NLRC5: variants seen among roughly 807,000 people sequenced by gnomAD.
NLRC5 encodes protein NLRC5.
In NLRC5, 114 loss-of-function variants were observed where a neutral mutation model predicts 206.9. The observed-to-expected ratio is 0.55, with a 90% CI of 0.47 to 0.64. The LOEUF is 0.64. Among genes scored for constraint, NLRC5 ranks in the 30% least tolerant of loss-of-function variants. The pLI, the probability that NLRC5 is intolerant of heterozygous loss-of-function variation, is 0.00. For synonymous variants in NLRC5, 952 were observed against 962.8 expected (o/e 0.99, Z 0.21); for missense variants, 2,008 against 2,305.5 (o/e 0.87, Z 2.64).
chr16:57,058,860 A>G (rs2066038388), intron 28 of NLRC5, 112 bp from the exon 29 acceptor site: 1 of 897,632 alleles, frequency 1.1e-6, no homozygotes, highest in African/African-American at 1.6e-5. Flanking sequence ...ATGCTTAGAC[A>G]TGGAGGCTTC....
intron 24 of NLRC5, among the ~76,000 whole-genome samples, chr16:57,053,922 G>A (rs1436351016): frequency 6.6e-6 from 1 of 152,172 alleles, no homozygotes; most frequent in African/African-American, 2.4e-5. Context: ...GATGTGTGCA[G>A]CAGGGTGAAG....
chr16:57,027,683 C>G (rs1427735014), intron 6 of NLRC5, among the ~76,000 whole-genome samples: 1 of 152,186 alleles, frequency 6.6e-6, no homozygotes, highest in Non-Finnish European at 1.5e-5. Flanking sequence ...TCTGCACAGT[C>G]AAAGCTACGT....
At chr16:57,069,797 C>T (rs773781625) in intron 36 of NLRC5, 39 bp from the exon 37 acceptor site, 18 of 1,546,596 alleles carry the variant, frequency 1.2e-5, no homozygotes, top group East Asian at 2.3e-5. Flanking sequence ...AGACCCAGGG[C>T]GGCTCCTGCC....
chr16:57,013,688 T>C (rs2059734895), intron 1 of NLRC5: 1 of 818,200 alleles, frequency 1.2e-6, no homozygotes, highest in Non-Finnish European at 2.2e-6. Flanking sequence ...CACTTGCTGG[T>C]AACCTGGAAT....
chr16:57,024,180 C>A (rs186972197), intron 5 of NLRC5, among the ~76,000 whole-genome samples: 136 of 152,276 alleles, frequency 8.9e-4, no homozygotes, highest in African/African-American at 3.2e-3. Flanking sequence ...TTGAAGGAGA[C>A]CCAGGGAGGA....
intron 19 of NLRC5, 26 bp downstream of exon 19, chr16:57,042,091 CTGAGG>C: frequency 6.9e-7 from 1 of 1,455,136 alleles, no homozygotes. Flanking sequence ...GGCAGAGCCT[CTGAGG>C]CTGGGGCAGG....
chr16:57,027,530 G>A (rs555483874), intron 6 of NLRC5, among the ~76,000 whole-genome samples: 1 of 152,310 alleles, frequency 6.6e-6, no homozygotes, highest in South Asian at 2.1e-4. Flanking sequence ...AATACAGTAG[G>A]TTAAATAATG....
chr16:57,031,972 T>C (rs1257548033), intron 11 of NLRC5, among the ~76,000 whole-genome samples: 1 of 151,850 alleles, frequency 6.6e-6, no homozygotes. Context: ...GGGAGCTGCT[T>C]TTCCCTAAAA....
chr16:57,020,186 T>A (rs1441434764), intron 2 of NLRC5, among the ~76,000 whole-genome samples: 1 of 144,132 alleles, frequency 6.9e-6, no homozygotes, highest in Non-Finnish European at 1.5e-5. Context: ...CCAGATCACC[T>A]TCCCCCTAGT....
intron 27 of NLRC5, among the ~76,000 whole-genome samples, chr16:57,056,537 C>A (rs1403873550): frequency 3.9e-5 from 6 of 152,198 alleles, no homozygotes; most frequent in Admixed American, 1.3e-4. Context: ...TGATCCTCAG[C>A]CTCCCAGGTT....
chr16:57,033,092 C>T (rs956483977), intron 11 of NLRC5, among the ~76,000 whole-genome samples: 15 of 152,178 alleles, frequency 9.9e-5, no homozygotes, highest in South Asian at 2.1e-4. Context: ...CTCCCTCAGC[C>T]CAGTGGGAGA....
At chr16:57,022,931 C>A (rs1443883095) in intron 4 of NLRC5, among the ~76,000 whole-genome samples, 2 of 152,276 alleles carry the variant, frequency 1.3e-5, no homozygotes, top group African/African-American at 2.4e-5. Flanking sequence ...CTGTCCAAGT[C>A]CCTGGTCCAA....
chr16:57,046,431 G>T, intron 21 of NLRC5, 121 bp from the exon 22 acceptor site: 1 of 731,838 alleles, frequency 1.4e-6, no homozygotes, highest in Non-Finnish European at 2.3e-6. Context: ...AAGTCTGGGA[G>T]TCCAATGTGG....
intron 1 of NLRC5, among the ~76,000 whole-genome samples, chr16:56,993,815 T>G (rs1220486673): frequency 6.6e-6 from 1 of 152,192 alleles, no homozygotes; most frequent in Non-Finnish European, 1.5e-5. Flanking sequence ...TTAAGGGAAT[T>G]TGCTCTTTGT....
intron 43 of NLRC5, 21 bp downstream of exon 43, chr16:57,078,041 A>G (rs1217416045): frequency 1.3e-6 from 2 of 1,565,224 alleles, no homozygotes; most frequent in East Asian, 4.6e-5. Flanking sequence ...CCCTGCCCAT[A>G]CCATGCAGGG....
chr16:57,081,488 G>T, intron 47 of NLRC5, 39 bp from the exon 48 acceptor site: 3 of 1,588,054 alleles, frequency 1.9e-6, no homozygotes, highest in Non-Finnish European at 2.6e-6. Flanking sequence ...TCTCATGGCC[G>T]TGTTTCTCTT....
chr16:57,011,838 T>A (rs1427589556), intron 1 of NLRC5, among the ~76,000 whole-genome samples: 6 of 152,150 alleles, frequency 3.9e-5, no homozygotes, highest in Non-Finnish European at 7.4e-5. Flanking sequence ...AAAAAGGCAA[T>A]AAAGAATACA....
intron 1 of NLRC5, among the ~76,000 whole-genome samples, chr16:57,000,505 G>A (rs1161784383): frequency 6.6e-6 from 1 of 152,068 alleles, no homozygotes; most frequent in East Asian, 1.9e-4. Context: ...ATGAATTTGA[G>A]TGCAGGCTCA....
chr16:57,077,651 C>A, intron 41 of NLRC5, 68 bp from the exon 42 acceptor site: 1 of 1,472,088 alleles, frequency 6.8e-7, no homozygotes, highest in Non-Finnish European at 9.2e-7. Context: ...GTGGCAGACC[C>A]AGCAGATGTG....
Sources: gnomAD v4.1 joint callset for allele counts (sites outside exome capture counted in the v4.1 genomes callset) on GRCh38, gnomAD v4.1.1 for gene constraint, MANE v1.5 for transcripts, NCBI Gene and HGNC (gene_info 2026-07-23, HGNC 2026-07-21) for gene names.